Variants in EPHA6 observed in about 807,000 individuals in gnomAD.
EPHA6 encodes the protein ephrin type-A receptor 6.
A neutral mutation model predicts 112.0 loss-of-function variants in EPHA6; 50 were observed. The ratio of observed to expected loss-of-function variants is 0.45; its 90% confidence interval spans 0.36 to 0.56. The LOEUF is 0.56. Ranked by LOEUF, EPHA6 falls within the 20% of genes least tolerant of loss-of-function variation. The pLI is 0.00. For synonymous variants in EPHA6, 529 were observed against 490.7 expected (o/e 1.08, Z -1.03); for missense variants, 1,280 against 1,417.4 (o/e 0.90, Z 1.56).
intron 4 of EPHA6, among the ~76,000 whole-genome samples, chr3:97,243,058 C>T (rs1038206927): frequency 6.6e-6 from 1 of 151,746 alleles, no homozygotes; most frequent in Non-Finnish European, 1.5e-5. Flanking sequence ...ATTATTCACA[C>T]AATTTTAAGG....
chr3:97,442,283 T>C (rs2090161968), intron 6 of EPHA6, among the ~76,000 whole-genome samples: 1 of 152,114 alleles, frequency 6.6e-6, no homozygotes, highest in Admixed American at 6.5e-5. Flanking sequence ...TCTAATTAAA[T>C]GCTAAAAGAG....
chr3:97,076,963 A>T (rs536473494), intron 3 of EPHA6, among the ~76,000 whole-genome samples: 8 of 152,270 alleles, frequency 5.3e-5, no homozygotes, highest in Non-Finnish European at 1.0e-4. Flanking sequence ...TTGACAATGT[A>T]TCTAGTCACC....
rs951653082 is a variant in EPHA6, at chr3:97,126,271, T to G, written c.1115-99993T>G. On this transcript the variant is annotated intron_variant, in intron 3 of 17. Transcript: ENST00000389672. ...ATTCTAATGGCCAGGGGATTGTAGT[T>G]CTCTTGTCTCAGAATCCACAACATG... Among the ~76,000 whole-genome samples, 31 of 152,238 alleles carry G rather than the reference T, an allele frequency of 2.0e-4. 1 individual carries two copies. Among genetic ancestry groups the G allele is most frequent in the East Asian group, 1.2e-3 (6 of 5,164 alleles).
At chr3:97,409,891 A>G (rs2087599263) in intron 6 of EPHA6, among the ~76,000 whole-genome samples, 1 of 152,116 alleles carries the variant, frequency 6.6e-6, no homozygotes, top group Non-Finnish European at 1.5e-5. Context: ...ATAATTATTT[A>G]TATGAAATGA....
At chr3:97,510,978 G>GT (rs1394180957) in intron 10 of EPHA6, among the ~76,000 whole-genome samples, 1 of 152,190 alleles carries the variant, frequency 6.6e-6, no homozygotes, top group East Asian at 1.9e-4. Context: ...CAGCAGCTTT[G>GT]TTTACACTGT....
At position 96,987,325 on chromosome 3, in the gene EPHA6, TGCAGTGGGATGCC is replaced by T; in HGVS notation, c.451-4_459del. ...TCACTTAATTACTTTTTTCCCTTTT[TGCAGTGGGATGCC>T]ATCACTGAAATGGATGAACATAATA... is the stretch of plus-strand genomic sequence containing the variant. On this transcript the variant is annotated splice_acceptor_variant and splice_polypyrimidine_tract_variant and coding_sequence_variant and intron_variant, in exon 3 of 18. Coordinates refer to ENST00000389672, the MANE Select transcript of EPHA6 (RefSeq NM_001080448.3). LOFTEE classifies it high-confidence loss of function. 1 of 1,580,562 alleles carries T rather than the reference TGCAGTGGGATGCC, an allele frequency of 6.3e-7. No individual in the cohort carries two copies. The highest frequency in any genetic ancestry group is 8.6e-7 in the Non-Finnish European group (1 of 1,158,572).
intron 11 of EPHA6, among the ~76,000 whole-genome samples, chr3:97,578,761 G>A (rs1037649562): frequency 6.6e-6 from 1 of 152,050 alleles, no homozygotes; most frequent in Non-Finnish European, 1.5e-5. Context: ...TTTTTAACTA[G>A]ATATGCATCA....
chr3:97,245,998 T>A (rs1180897793), intron 5 of EPHA6, among the ~76,000 whole-genome samples: 1 of 152,068 alleles, frequency 6.6e-6, no homozygotes, highest in Non-Finnish European at 1.5e-5. Flanking sequence ...TCATAGTCTT[T>A]GTATTTACTG....
At chr3:96,974,479 T>C (rs962371694) in intron 2 of EPHA6, among the ~76,000 whole-genome samples, 3 of 150,388 alleles carry the variant, frequency 2.0e-5, no homozygotes, top group Admixed American at 1.3e-4. Context: ...TTCCTCTGTC[T>C]CTTTTTTTTT....
At chr3:97,327,770 G>A (rs1483219577) in intron 5 of EPHA6, among the ~76,000 whole-genome samples, 1 of 150,386 alleles carries the variant, frequency 6.6e-6, no homozygotes, top group Non-Finnish European at 1.5e-5. Context: ...GTAATTTGAG[G>A]TTCATCGAAG....
chr3:97,428,565 A>G (rs1276793045), intron 6 of EPHA6, among the ~76,000 whole-genome samples: 1 of 152,222 alleles, frequency 6.6e-6, no homozygotes, highest in African/African-American at 2.4e-5. Context: ...TTCACAGATC[A>G]CATGGGCATA....
chr3:97,090,968 T>A (rs940497090), intron 3 of EPHA6, among the ~76,000 whole-genome samples: 1 of 152,164 alleles, frequency 6.6e-6, no homozygotes, highest in Non-Finnish European at 1.5e-5. Flanking sequence ...CTGTTTACAC[T>A]AATAATTACA....
intron 3 of EPHA6, among the ~76,000 whole-genome samples, chr3:97,109,950 A>G (rs1559734169): frequency 6.6e-6 from 1 of 152,182 alleles, no homozygotes; most frequent in Non-Finnish European, 1.5e-5. Flanking sequence ...GGGAGGCATC[A>G]TATCAAGAAG....
At chr3:97,682,056 A>T (rs540250293) in intron 14 of EPHA6, among the ~76,000 whole-genome samples, 1 of 152,276 alleles carries the variant, frequency 6.6e-6, no homozygotes, top group South Asian at 2.1e-4. Context: ...AAGAGATATA[A>T]GCAGCATCAC....
At chr3:97,501,473 A>G (rs973838518) in intron 10 of EPHA6, among the ~76,000 whole-genome samples, 1 of 152,086 alleles carries the variant, frequency 6.6e-6, no homozygotes, top group Non-Finnish European at 1.5e-5. Flanking sequence ...ACATTTCTAA[A>G]CAAAATTAAG....
intron 5 of EPHA6, among the ~76,000 whole-genome samples, chr3:97,255,643 A>G (rs16838497): frequency 0.022 from 3,292 of 152,304 alleles, 125 homozygotes; most frequent in African/African-American, 0.069. Flanking sequence ...TCGAAAACAT[A>G]CAACACATTT....
At chr3:97,324,469 C>CTT in intron 5 of EPHA6, among the ~76,000 whole-genome samples, 1 of 115,522 alleles carries the variant, frequency 8.7e-6, no homozygotes, top group South Asian at 2.6e-4. Context: ...TTCTTTCTTT[C>CTT]TTTTTCTTTC....
intron 14 of EPHA6, among the ~76,000 whole-genome samples, chr3:97,665,702 C>CTTG (rs2029990107): frequency 6.6e-6 from 1 of 152,314 alleles, no homozygotes; most frequent in East Asian, 1.9e-4. Flanking sequence ...TCAATACACA[C>CTTG]ATCTTCCACA....
chr3:96,881,271 C>T (rs2037297358), intron 2 of EPHA6, among the ~76,000 whole-genome samples: 1 of 152,130 alleles, frequency 6.6e-6, no homozygotes, highest in African/African-American at 2.4e-5. Context: ...CTGTTAAAGA[C>T]ATACCCAAGA....
Sources: gnomAD v4.1 joint callset for allele counts (sites outside exome capture counted in the v4.1 genomes callset) on GRCh38, gnomAD v4.1.1 for gene constraint, MANE v1.5 for transcripts, NCBI Gene and HGNC (gene_info 2026-07-23, HGNC 2026-07-21) for gene names.